The following EHBP1 variants were observed in gnomAD, a reference collection of about 807,000 sequenced individuals.
EHBP1 encodes EH domain-binding protein 1.
A neutral mutation model predicts 144.0 loss-of-function variants in EHBP1; 55 were observed. The observed-to-expected ratio is 0.38, with a 90% CI of 0.31 to 0.48. The LOEUF (loss-of-function observed/expected upper bound fraction) is 0.48. EHBP1 is among the 20% of genes least tolerant of loss of function. The probability of loss-of-function intolerance (pLI) is 0.98; values close to 1 mark genes in which losing one functional copy is unlikely to be tolerated. For missense variants in EHBP1, 1,200 were observed against 1,364.2 expected, an observed-to-expected ratio of 0.88 and a Z score of 1.90; for synonymous variants, 469 against 472.7, an observed-to-expected ratio of 0.99 and a Z score of 0.10.
intron 3 of EHBP1, among the ~76,000 whole-genome samples, chr2:62,761,009 A>T (rs902236990): frequency 6.6e-6 from 1 of 152,208 alleles, no homozygotes; most frequent in Non-Finnish European, 1.5e-5. Context: ...TGGAACAACT[A>T]TGAAAATTTA....
intron 10 of EHBP1, among the ~76,000 whole-genome samples, chr2:62,926,342 A>G (rs1259143157): frequency 6.6e-6 from 1 of 152,148 alleles, no homozygotes; most frequent in African/African-American, 2.4e-5. Flanking sequence ...AAATGGGATT[A>G]CATCAAACCA....
At chr2:63,013,520 C>G (rs949648790) in intron 19 of EHBP1, among the ~76,000 whole-genome samples, 4 of 152,074 alleles carry the variant, frequency 2.6e-5, no homozygotes, top group Non-Finnish European at 5.9e-5. Context: ...GCTTGAAACC[C>G]CCCCAAAAGA....
chr2:62,695,568 C>T (rs1338945228), intron 1 of EHBP1, among the ~76,000 whole-genome samples: 1 of 152,062 alleles, frequency 6.6e-6, no homozygotes, highest in Non-Finnish European at 1.5e-5. Context: ...GGAGAGTTTC[C>T]ATTTTTGTCA....
At chr2:62,913,950 AG>A (rs1212987048) in intron 10 of EHBP1, among the ~76,000 whole-genome samples, 1 of 152,152 alleles carries the variant, frequency 6.6e-6, no homozygotes, top group African/African-American at 2.4e-5. Context: ...AACAGAAAAG[AG>A]GGGTTGGATA....
At chr2:62,789,359 A>C (rs2043023939) in intron 5 of EHBP1, among the ~76,000 whole-genome samples, 1 of 152,196 alleles carries the variant, frequency 6.6e-6, no homozygotes, top group South Asian at 2.1e-4. Context: ...CTGACGTTTT[A>C]ATTTAAATGC....
chr2:62,682,923 T>G (rs2033580555), intron 1 of EHBP1, among the ~76,000 whole-genome samples: 1 of 152,010 alleles, frequency 6.6e-6, no homozygotes, highest in Non-Finnish European at 1.5e-5. Flanking sequence ...GTAAATTTAA[T>G]ACACACAAAT....
At chr2:63,042,378 C>T (rs937511206) in intron 21 of EHBP1, among the ~76,000 whole-genome samples, 2 of 151,836 alleles carry the variant, frequency 1.3e-5, no homozygotes, top group South Asian at 2.1e-4. Flanking sequence ...AGAAAACAAA[C>T]GTGAAGTAAA....
chr2:62,844,246 A>G (rs984192284), intron 7 of EHBP1, among the ~76,000 whole-genome samples: 2 of 152,138 alleles, frequency 1.3e-5, no homozygotes, highest in Admixed American at 6.5e-5. Flanking sequence ...AAGTAAATCC[A>G]TGGTATCTGT....
intron 7 of EHBP1, among the ~76,000 whole-genome samples, chr2:62,847,811 CAT>C (rs1159402333): frequency 6.6e-6 from 1 of 152,136 alleles, no homozygotes; most frequent in Non-Finnish European, 1.5e-5. Context: ...ATAAAAAAGA[CAT>C]GTGACCTTAT....
At chr2:62,852,086 G>T (rs2048725272) in intron 7 of EHBP1, among the ~76,000 whole-genome samples, 1 of 152,086 alleles carries the variant, frequency 6.6e-6, no homozygotes, top group Non-Finnish European at 1.5e-5. Flanking sequence ...TGAAGGTAAA[G>T]ACTAACTCTA....
chr2:63,004,164 T>C (rs577871784), intron 19 of EHBP1, among the ~76,000 whole-genome samples: 9 of 152,174 alleles, frequency 5.9e-5, no homozygotes, highest in African/African-American at 1.9e-4. Flanking sequence ...CTTTTTTCCT[T>C]CTGTACAAAT....
At chr2:62,985,568 A>G (rs2059154003) in intron 15 of EHBP1, among the ~76,000 whole-genome samples, 1 of 152,112 alleles carries the variant, frequency 6.6e-6, no homozygotes. Flanking sequence ...CTGTCCTTCA[A>G]GACTCTCTGT....
At chr2:62,738,757 A>G (rs2038395260) in intron 2 of EHBP1, among the ~76,000 whole-genome samples, 1 of 152,196 alleles carries the variant, frequency 6.6e-6, no homozygotes, top group South Asian at 2.1e-4. Flanking sequence ...TTTTTTGCTC[A>G]CCTAATGAAA....
At chr2:62,939,935 A>C (rs907226180) in intron 10 of EHBP1, 3 of 222,928 alleles carry the variant, frequency 1.3e-5, no homozygotes, top group South Asian at 1.3e-4. Context: ...AGGAAACTGT[A>C]TCACAGCCAT....
chr2:62,934,329 C>T (rs1030322959), intron 10 of EHBP1, among the ~76,000 whole-genome samples: 14 of 152,090 alleles, frequency 9.2e-5, no homozygotes, highest in African/African-American at 2.4e-4. Context: ...ACTGATGTGA[C>T]GGAGCAAGTT....
chr2:62,993,734 T>TATATATATATAGTATATATATATAGC (rs1376135453), intron 17 of EHBP1, 66 bp downstream of exon 17: 74 of 718,012 alleles, frequency 1.0e-4, no homozygotes, highest in African/African-American at 7.4e-4. Flanking sequence ...CTATATATAG[T>TATATATATATAGTATATATATATAGC]ATATATATAT....
At chr2:62,994,047 A>T in intron 18 of EHBP1, 70 bp downstream of exon 18, 1 of 1,071,900 alleles carries the variant, frequency 9.3e-7, no homozygotes, top group South Asian at 1.7e-5. Context: ...TAGTGCCTTT[A>T]TTTGTTAAAA....
intron 15 of EHBP1, among the ~76,000 whole-genome samples, chr2:62,985,702 G>A (rs2068312): frequency 0.038 from 5,762 of 152,186 alleles, 382 homozygotes; most frequent in African/African-American, 0.13. Context: ...TTTCATGCCT[G>A]TAAAGCCCTC....
At chr2:62,907,405 C>T (rs1002143487) in intron 10 of EHBP1, among the ~76,000 whole-genome samples, 1 of 152,206 alleles carries the variant, frequency 6.6e-6, no homozygotes, top group Non-Finnish European at 1.5e-5. Flanking sequence ...TGAACTCTCT[C>T]TTAATCATCT....
Sources: allele counts gnomAD v4.1 joint callset (sites outside exome capture counted in the v4.1 genomes callset), GRCh38; gene constraint gnomAD v4.1.1; transcripts MANE v1.5; gene names NCBI Gene and HGNC (gene_info 2026-07-23, HGNC 2026-07-21).